The following ANKS6 variants were observed in gnomAD, a reference collection of about 807,000 sequenced individuals.
ANKS6 encodes ankyrin repeat and sterile alpha motif domain containing 6.
A neutral mutation model predicts 77.9 loss-of-function variants in ANKS6; 47 were observed. The observed-to-expected ratio is 0.60, with a 90% CI of 0.48 to 0.77. ANKS6 has a LOEUF of 0.77. Ranked by LOEUF, ANKS6 falls within the 30% of genes least tolerant of loss-of-function variation. The pLI is 0.00. For synonymous variants in ANKS6, 488 were observed against 501.7 expected, an observed-to-expected ratio of 0.97 and a Z score of 0.37; for missense variants, 1,150 against 1,159.1, an observed-to-expected ratio of 0.99 and a Z score of 0.11.
At chr9:98,740,633 C>G (rs1177076064) in intron 14 of ANKS6, among the ~76,000 whole-genome samples, 5 of 152,194 alleles carry the variant, frequency 3.3e-5, no homozygotes. Flanking sequence ...CAGGGCAAGA[C>G]AGGGTTCCGG....
rs1012503562 is a variant in ANKS6 at position 98,791,247 on chromosome 9, C to T, written c.360-641G>A. On this transcript the variant is annotated intron_variant, in intron 1 of 14. Coordinates refer to ENST00000353234, the MANE Select transcript of ANKS6 (RefSeq NM_173551.5). The surrounding 1 kb of genome is among the most constrained non-coding windows in gnomAD (Gnocchi z 4.3). ...CCCATGTCTGATTCATTTCTACCCT[C>T]CCCATCCCCAAAAGCACACACCCCA... 8.5e-5 allele frequency among the ~76,000 whole-genome samples: 13 copies of T among 152,230 alleles called. No individual in the cohort carries two copies. Among genetic ancestry groups the T allele is most frequent in the African/African-American group, 2.9e-4 (12 of 41,462 alleles).
intron 14 of ANKS6, among the ~76,000 whole-genome samples, chr9:98,745,173 T>C (rs976239999): frequency 6.6e-6 from 1 of 152,164 alleles, no homozygotes; most frequent in African/African-American, 2.4e-5. Flanking sequence ...CACACCACCA[T>C]CATCCCCACC....
chr9:98,735,260 C>T lies in ANKS6; in HGVS notation c.*1259G>A. Reference sequence around the variant, plus strand: ...AAGGTCTGCCCACTCTACCATGCTGCCTCTCAATGTCGGGACCATCTATTT... The same window carrying T: ...AAGGTCTGCCCACTCTACCATGCTGTCTCTCAATGTCGGGACCATCTATTT... On this transcript the variant is annotated 3_prime_UTR_variant, in exon 15 of 15. Coordinates refer to ENST00000353234, the MANE Select transcript of ANKS6 (RefSeq NM_173551.5). 2.0e-6 allele frequency: 2 copies of T among 988,692 alleles called. No individual in the cohort carries two copies. Among genetic ancestry groups the T allele is most frequent in the Non-Finnish European group, 2.4e-6 (2 of 832,272 alleles). The allele number at this position is 988,692 out of a possible 1,614,324, so 61.2% of individuals were successfully genotyped here. A position where few individuals can be genotyped will look rare whatever the true frequency, so the allele number is the denominator to read the frequency against.
At chr9:98,754,632 C>A (rs1832602044) in intron 12 of ANKS6, among the ~76,000 whole-genome samples, 1 of 151,358 alleles carries the variant, frequency 6.6e-6, no homozygotes, top group Non-Finnish European at 1.5e-5. Context: ...ACAGAGCAAG[C>A]CTCCGTCTCA....
At chr9:98,740,428 C>T (rs989130066) in intron 14 of ANKS6, among the ~76,000 whole-genome samples, 2 of 152,200 alleles carry the variant, frequency 1.3e-5, no homozygotes, top group African/African-American at 2.4e-5. Context: ...GCGCCAGGAT[C>T]GCAGGCCCGC....
chr9:98,796,107 C>T (rs1835160679), intron 1 of ANKS6, 26 bp downstream of exon 1: 3 of 1,320,854 alleles, frequency 2.3e-6, no homozygotes, highest in South Asian at 4.1e-5. Context: ...ACTCTGGTCC[C>T]GGGCCCCCGG....
At chr9:98,759,803 A>G (rs540865634) in intron 11 of ANKS6, among the ~76,000 whole-genome samples, 20 of 152,240 alleles carry the variant, frequency 1.3e-4, no homozygotes, top group Non-Finnish European at 2.8e-4. Context: ...GATCAATGTA[A>G]GTAAAAAGTA....
At position 98,734,986 on chromosome 9, in the gene ANKS6, A is replaced by C; in HGVS notation, c.*1533T>G. The C allele has an allele frequency of 1.0e-6, 1 of 985,490 alleles. No individual in the cohort carries two copies. The highest frequency in any genetic ancestry group is 1.2e-6 in the Non-Finnish European group (1 of 829,948). The allele number at this position is 985,490 out of a possible 1,614,324, so 61.0% of individuals were successfully genotyped here. ...CTACGAGGCTCTGGGCAGTAAGTTA[A>C]CGACAGCCTCTGAAAGCCAGCATAG... On this transcript the variant is annotated 3_prime_UTR_variant, in exon 15 of 15. Coordinates refer to ENST00000353234, the MANE Select transcript of ANKS6 (RefSeq NM_173551.5).
At chr9:98,785,031 T>C (rs1258615942) in intron 2 of ANKS6, among the ~76,000 whole-genome samples, 155 bp from the exon 3 acceptor site, 1 of 152,210 alleles carries the variant, frequency 6.6e-6, no homozygotes, top group Non-Finnish European at 1.5e-5. Context: ...CCAGCAGCTC[T>C]TCTGGAAGGT....
intron 11 of ANKS6, among the ~76,000 whole-genome samples, chr9:98,765,645 G>A (rs1242782097): frequency 6.6e-6 from 1 of 152,086 alleles, no homozygotes; most frequent in Non-Finnish European, 1.5e-5. Flanking sequence ...TGAAATGACT[G>A]AGCTTTAAGG....
intron 11 of ANKS6, among the ~76,000 whole-genome samples, chr9:98,767,491 G>A (rs368917593): frequency 2.0e-5 from 3 of 152,112 alleles, no homozygotes; most frequent in African/African-American, 7.2e-5. Context: ...CTATCACACT[G>A]AGCTGTGACT....
chr9:98,767,516 A>C (rs746321671), intron 11 of ANKS6, among the ~76,000 whole-genome samples: 77 of 152,244 alleles, frequency 5.1e-4, no homozygotes, highest in Non-Finnish European at 9.8e-4. Context: ...GTGTCCTTAG[A>C]GCGGTTGCCA....
chr9:98,732,906 T>C lies in ANKS6; in HGVS notation c.*3613A>G, dbSNP rs1006365922. ...GAACTTACACATTACGTGCTGCCTT[T>C]GCACATGCCCCAGCTGGAATGCCCT... On this transcript the variant is annotated 3_prime_UTR_variant, in exon 15 of 15. Transcript: ENST00000353234. 4 of 1,091,352 alleles carry C rather than the reference T, an allele frequency of 3.7e-6. No individual in the cohort carries two copies. The highest frequency in any genetic ancestry group is 4.5e-6 in the Non-Finnish European group (4 of 895,640). The allele number at this position is 1,091,352 out of a possible 1,614,324, so 67.6% of individuals were successfully genotyped here.
chr9:98,768,169 T>TG lies in ANKS6; in HGVS notation c.2053dup (p.His685ProfsTer16). ...TGCTGGCCCCACAGGGCTTGACCGA[T>TG]GGCTGGGTTTCTGCTCCAATAATCC... On this transcript the variant is annotated frameshift_variant, in exon 11 of 15. Coordinates refer to ENST00000353234, the MANE Select transcript of ANKS6 (RefSeq NM_173551.5). LOFTEE classifies it high-confidence loss of function. 6.2e-7 allele frequency: 1 copy of TG among 1,614,066 alleles called. No homozygotes were observed. Among genetic ancestry groups the TG allele is most frequent in the Non-Finnish European group, 8.5e-7 (1 of 1,180,024 alleles).
intron 12 of ANKS6, among the ~76,000 whole-genome samples, chr9:98,752,287 A>G (rs1191657632): frequency 6.6e-6 from 1 of 152,252 alleles, no homozygotes; most frequent in African/African-American, 2.4e-5. Flanking sequence ...ATCTGGAGTA[A>G]GAGCATTAGG....
intron 8 of ANKS6, among the ~76,000 whole-genome samples, chr9:98,775,145 C>G (rs962198683): frequency 2.0e-5 from 3 of 152,264 alleles, no homozygotes; most frequent in African/African-American, 7.2e-5. Flanking sequence ...GAGTTGGAAA[C>G]TCACAGCGAC....
chr9:98,764,180 T>C (rs1270624772), intron 11 of ANKS6, among the ~76,000 whole-genome samples: 1 of 152,208 alleles, frequency 6.6e-6, no homozygotes, highest in Non-Finnish European at 1.5e-5. Context: ...ACACTGTCTT[T>C]GATTTGCATG....
At chr9:98,747,414 G>C (rs1832196988) in intron 13 of ANKS6, among the ~76,000 whole-genome samples, 2 of 149,732 alleles carry the variant, frequency 1.3e-5, no homozygotes, top group South Asian at 4.3e-4. Context: ...AGCCAGGTTT[G>C]AGTCACTGGG....
At chr9:98,763,144 A>T (rs760237535) in intron 11 of ANKS6, among the ~76,000 whole-genome samples, 1 of 152,076 alleles carries the variant, frequency 6.6e-6, no homozygotes, top group Non-Finnish European at 1.5e-5. Flanking sequence ...TTAATTATAC[A>T]TTTATGGACA....
Sources: gnomAD v4.1 joint callset for allele counts (sites outside exome capture counted in the v4.1 genomes callset) on GRCh38, gnomAD v4.1.1 for gene constraint, Gnocchi (gnomAD v3.1) non-coding constraint, MANE v1.5 for transcripts, NCBI Gene and HGNC (gene_info 2026-07-23, HGNC 2026-07-21) for gene names.